Variants in GCH1 observed in about 807,000 individuals in gnomAD.
GCH1 encodes the protein GTP cyclohydrolase 1, also known as GTP cyclohydrolase I.
Under a neutral mutation model 25.9 loss-of-function variants are expected in GCH1, and 5 were observed. The ratio of observed to expected loss-of-function variants is 0.19; its 90% confidence interval spans 0.10 to 0.41. GCH1 has a LOEUF of 0.41. GCH1 is among the 10% of genes least tolerant of loss of function. GCH1 has a pLI of 1.00. For missense variants in GCH1, 261 were observed against 336.5 expected, an observed-to-expected ratio of 0.78 and a Z score of 1.75; for synonymous variants, 159 against 129.6, an observed-to-expected ratio of 1.23 and a Z score of -1.54.
At position 54,880,805 on chromosome 14, in the gene GCH1, T is replaced by TAC. The variant is rs1469279376; in HGVS notation, c.344-15371_344-15370dup. Among the ~76,000 whole-genome samples the TAC allele has an allele frequency of 1.1e-3, 59 of 55,052 alleles. 10 individuals are homozygous for TAC. The highest frequency in any genetic ancestry group is 6.1e-3 in the African/African-American group (39 of 6,390). 36.1% of individuals were successfully genotyped at this position (55,052 alleles called of 152,430 possible). On this transcript the variant is annotated intron_variant, in intron 1 of 5. Coordinates refer to ENST00000491895, the MANE Select transcript of GCH1 (RefSeq NM_000161.3). ...TATATATACTCCATATATATATATA[T>TAC]ACTCCATATATATATATATATACTC...
In GCH1 at chr14:54,850,645, C is replaced by T. The variant is rs571354896; in HGVS notation, c.510-3515G>A. Among the ~76,000 whole-genome samples, 5 of 152,232 alleles carry T rather than the reference C, an allele frequency of 3.3e-5. No individual in the cohort carries two copies. In the South Asian group the frequency reaches 6.2e-4, roughly 19 times the overall value. On this transcript the variant is annotated intron_variant, in intron 3 of 5. Coordinates refer to ENST00000491895, the MANE Select transcript of GCH1 (RefSeq NM_000161.3). ...TAATGCTATCCCTCCCTGCTCCCCA[C>T]GACAGGCCCCGGTGTGTGTTTCCTA...
rs1014282544 is a variant in GCH1, at chr14:54,842,983, A to C, written c.*1034T>G. 1.3e-6 allele frequency: 1 copy of C among 767,298 alleles called. No individual in the cohort carries two copies. The highest frequency in any genetic ancestry group is 2.4e-6 in the Non-Finnish European group (1 of 418,710). 47.5% of individuals were successfully genotyped at this position (767,298 alleles called of 1,614,324 possible). A position where few individuals can be genotyped will look rare whatever the true frequency, so the allele number is the denominator to read the frequency against. On this transcript the variant is annotated 3_prime_UTR_variant, in exon 6 of 6. Coordinates refer to ENST00000491895, the MANE Select transcript of GCH1 (RefSeq NM_000161.3). ...ACGCTTTGGTTAAAACGTTGGACAC[A>C]GCTCATAATGTCTTCCACCGTCAGT...
intron 2 of GCH1, among the ~76,000 whole-genome samples, chr14:54,861,686 G>A (rs551143029): frequency 6.7e-6 from 1 of 150,160 alleles, no homozygotes; most frequent in South Asian, 2.1e-4. Flanking sequence ...TCGCACCACT[G>A]CACTCCAGCC....
chr14:54,896,741 T>C (rs969453594), intron 1 of GCH1, among the ~76,000 whole-genome samples: 2 of 149,948 alleles, frequency 1.3e-5, no homozygotes, highest in African/African-American at 4.9e-5. Flanking sequence ...TGAAACCCCA[T>C]CTCTACTAAA....
intron 1 of GCH1, among the ~76,000 whole-genome samples, chr14:54,895,834 C>A (rs184763602): frequency 7.9e-4 from 120 of 152,288 alleles, no homozygotes; most frequent in African/African-American, 2.7e-3. Flanking sequence ...TCCCTCCTAG[C>A]CCATGAGCTA....
chr14:54,845,663 C>G, intron 5 of GCH1, 105 bp downstream of exon 5: 1 of 776,646 alleles, frequency 1.3e-6, no homozygotes, highest in Non-Finnish European at 2.4e-6. Context: ...GTTATCATAT[C>G]AGTTGTGTGG....
intron 3 of GCH1, among the ~76,000 whole-genome samples, chr14:54,850,447 G>A (rs1376908895): frequency 6.6e-6 from 1 of 150,944 alleles, no homozygotes; most frequent in African/African-American, 2.4e-5. Flanking sequence ...CAAGTAGCTG[G>A]GATTAGCGGC....
At chr14:54,880,094 T>A (rs2140097676) in intron 1 of GCH1, among the ~76,000 whole-genome samples, 1 of 147,428 alleles carries the variant, frequency 6.8e-6, no homozygotes, top group East Asian at 2.0e-4. Flanking sequence ...TGAGCCAAGA[T>A]CATGCCACTG....
chr14:54,855,529 A>T (rs902900802), intron 3 of GCH1, among the ~76,000 whole-genome samples: 3 of 145,848 alleles, frequency 2.1e-5, no homozygotes, highest in Admixed American at 2.0e-4. Context: ...AAAAAAAAAA[A>T]GCTGGCCGGG....
chr14:54,888,904 T>C (rs1484687965), intron 1 of GCH1, among the ~76,000 whole-genome samples: 2 of 152,150 alleles, frequency 1.3e-5, no homozygotes, highest in Non-Finnish European at 2.9e-5. Context: ...AATATGAAGC[T>C]GAAAGATGTG....
chr14:54,886,780 G>A (rs985214952), intron 1 of GCH1, among the ~76,000 whole-genome samples: 7 of 152,110 alleles, frequency 4.6e-5, no homozygotes, highest in African/African-American at 1.7e-4. Flanking sequence ...CCTTAATCTT[G>A]GGCTGAACTC....
intron 1 of GCH1, among the ~76,000 whole-genome samples, chr14:54,870,468 G>A (rs2040055201): frequency 6.6e-6 from 1 of 152,104 alleles, no homozygotes; most frequent in South Asian, 2.1e-4. Context: ...CTGAGGTATC[G>A]GGTTCATCTC....
chr14:54,863,834 G>C (rs2039953699), intron 2 of GCH1, among the ~76,000 whole-genome samples: 1 of 143,344 alleles, frequency 7.0e-6, no homozygotes, highest in African/African-American at 2.7e-5. Context: ...TATTGTAGTT[G>C]TGGGGGTTTC....
Position 54,845,808 on chromosome 14 carries a change from C to A in GCH1, c.586G>T (p.Ala196Ser), listed in dbSNP as rs104894436. Residue 196 changes from alanine (A) to serine (S), a missense_variant, in exon 5 of 6, where the codon GCC becomes TCC. This residue lies in a region of GCH1 where 130 missense variants were observed against 184.1 expected (regional missense o/e 0.71). Transcript: ENST00000491895. Reference sequence around the variant, plus strand: ...ACCCCGACTCCAGCAGGCCGCAAGGCTTCCGTGATTGCTACAGCAATTTGT... The same window carrying A: ...ACCCCGACTCCAGCAGGCCGCAAGGATTCCGTGATTGCTACAGCAATTTGT... ...TKQIAVAITE[A>S]LRPAGVGVVV... 1.7e-5 allele frequency: 28 copies of A among 1,611,004 alleles called. No individual in the cohort carries two copies. Among genetic ancestry groups the A allele is most frequent in the Non-Finnish European group, 1.1e-5 (13 of 1,177,226 alleles).
intron 1 of GCH1, among the ~76,000 whole-genome samples, chr14:54,895,654 C>A (rs1225015147): frequency 6.6e-6 from 1 of 152,140 alleles, no homozygotes; most frequent in Non-Finnish European, 1.5e-5. Context: ...GAAAGGAGAA[C>A]TCACCAAGAT....
rs532167206 is a variant in GCH1, at chr14:54,858,533, G to A, written c.509+1148C>T. ...ACTCCTGACCTCAAGTGATCCGCCC[G>A]CCTCAGCCTCCCAAAGTGCTGGGAT... On this transcript the variant is annotated intron_variant, in intron 3 of 5. Transcript: ENST00000491895. Among the ~76,000 whole-genome samples, 14 of 151,982 alleles carry A rather than the reference G, an allele frequency of 9.2e-5. No individual in the cohort carries two copies. In the East Asian group the frequency reaches 1.5e-3, roughly 17 times the overall value.
chr14:54,868,403 CAAGATCCTGTCTCTATT>C (rs2040019027), intron 1 of GCH1, among the ~76,000 whole-genome samples: 1 of 151,182 alleles, frequency 6.6e-6, no homozygotes, highest in Non-Finnish European at 1.5e-5. Flanking sequence ...AGTGACAGGG[CAAGATCCTGTCTCTATT>C]TTTTAAGTGT....
chr14:54,888,607 G>A (rs2040383603), intron 1 of GCH1, among the ~76,000 whole-genome samples: 1 of 151,764 alleles, frequency 6.6e-6, no homozygotes, highest in Non-Finnish European at 1.5e-5. Flanking sequence ...CTGCCTCCCG[G>A]GTTCACACCA....
At chr14:54,844,603 C>T (rs1424558395) in intron 5 of GCH1, among the ~76,000 whole-genome samples, 1 of 152,166 alleles carries the variant, frequency 6.6e-6, no homozygotes. Context: ...ACTGATGTCA[C>T]CAGGCAGAAT....
Sources: allele counts gnomAD v4.1 joint callset (sites outside exome capture counted in the v4.1 genomes callset), GRCh38; gene constraint gnomAD v4.1.1; regional missense constraint gnomAD v4.1.1; transcripts MANE v1.5; gene names NCBI Gene and HGNC (gene_info 2026-07-23, HGNC 2026-07-21).